SFMBT2: variants seen among roughly 807,000 people sequenced by gnomAD.
The protein encoded by SFMBT2 is scm-like with four MBT domains protein 2.
In SFMBT2, 38 loss-of-function variants were observed where a neutral mutation model predicts 110.1. That is an observed-to-expected ratio of 0.35 (90% CI 0.27 to 0.45). SFMBT2 has a LOEUF of 0.45. Ranked by LOEUF, SFMBT2 falls within the 20% of genes least tolerant of loss-of-function variation. The pLI is 1.00. For synonymous variants in SFMBT2, 425 were observed against 425.4 expected (o/e 1.00, Z 0.01); for missense variants, 1,011 against 1,094.9 (o/e 0.92, Z 1.08).
At chr10:7,265,756 C>T (rs567703869) in intron 7 of SFMBT2, among the ~76,000 whole-genome samples, 36 of 152,290 alleles carry the variant, frequency 2.4e-4, no homozygotes, top group Admixed American at 6.5e-4. Flanking sequence ...GTGATGACCT[C>T]TCCTATGTTT....
chr10:7,239,343 C>T (rs1258410132), intron 9 of SFMBT2, among the ~76,000 whole-genome samples: 3 of 152,150 alleles, frequency 2.0e-5, no homozygotes, highest in African/African-American at 7.2e-5. Context: ...TACGTGTCAA[C>T]CTAAGAATTT....
chr10:7,289,159 C>T (rs560050461), intron 4 of SFMBT2, among the ~76,000 whole-genome samples: 2 of 152,232 alleles, frequency 1.3e-5, no homozygotes, highest in South Asian at 2.1e-4. Context: ...AAATGACTCA[C>T]ATAAGTTTCA....
At chr10:7,266,824 A>G (rs1030885572) in intron 7 of SFMBT2, among the ~76,000 whole-genome samples, 3 of 152,124 alleles carry the variant, frequency 2.0e-5, no homozygotes, top group African/African-American at 7.2e-5. Flanking sequence ...TTGAAGGGAG[A>G]GCCAACAAAA....
chr10:7,205,012 G>T, intron 12 of SFMBT2: 2 of 732,878 alleles, frequency 2.7e-6, no homozygotes, highest in Non-Finnish European at 3.3e-6. Context: ...GGGACGTGTG[G>T]TAATATACTT....
At chr10:7,264,954 A>C (rs1398211578) in intron 7 of SFMBT2, among the ~76,000 whole-genome samples, 1 of 151,966 alleles carries the variant, frequency 6.6e-6, no homozygotes, top group Non-Finnish European at 1.5e-5. Flanking sequence ...AAAAAAAAAA[A>C]AACTTACATA....
At chr10:7,302,197 G>C (rs1327631953) in intron 4 of SFMBT2, among the ~76,000 whole-genome samples, 1 of 151,712 alleles carries the variant, frequency 6.6e-6, no homozygotes, top group African/African-American at 2.4e-5. Flanking sequence ...CTCCTTTTTT[G>C]CCAAAGTCCC....
At chr10:7,313,725 C>T (rs1004112953) in intron 4 of SFMBT2, among the ~76,000 whole-genome samples, 1 of 152,118 alleles carries the variant, frequency 6.6e-6, no homozygotes, top group Non-Finnish European at 1.5e-5. Context: ...CTTGAGTGAT[C>T]CTCTCGCCTT....
At chr10:7,210,000 A>G (rs1356954859) in intron 11 of SFMBT2, among the ~76,000 whole-genome samples, 1 of 152,240 alleles carries the variant, frequency 6.6e-6, no homozygotes. Flanking sequence ...AAAACTAAAC[A>G]GCAATCAACA....
chr10:7,311,831 G>C (rs548371282), intron 4 of SFMBT2, among the ~76,000 whole-genome samples: 6 of 152,316 alleles, frequency 3.9e-5, no homozygotes, highest in African/African-American at 1.4e-4. Context: ...GAGTTAGTGG[G>C]CAGTTGAAGA....
intron 12 of SFMBT2, chr10:7,204,251 A>G (rs962954209): frequency 1.4e-6 from 1 of 720,318 alleles, no homozygotes; most frequent in African/African-American, 1.9e-5. Context: ...GCTCTTAATA[A>G]TGCTAACTAG....
At chr10:7,167,073 C>A (rs891351626) in intron 20 of SFMBT2, among the ~76,000 whole-genome samples, 3 of 152,058 alleles carry the variant, frequency 2.0e-5, no homozygotes, top group Non-Finnish European at 4.4e-5. Context: ...AAAATTAAAT[C>A]GATTTTGATA....
intron 7 of SFMBT2, among the ~76,000 whole-genome samples, chr10:7,271,115 G>C (rs1368388950): frequency 6.6e-6 from 1 of 151,640 alleles, no homozygotes; most frequent in African/African-American, 2.4e-5. Context: ...TGAAACCCCA[G>C]CTCTACTAAA....
At chr10:7,328,892 C>T (rs1843475467) in intron 4 of SFMBT2, among the ~76,000 whole-genome samples, 1 of 152,196 alleles carries the variant, frequency 6.6e-6, no homozygotes. Flanking sequence ...TTCTACTATA[C>T]AGGAGCAGAA....
At chr10:7,270,444 A>G (rs1282313158) in intron 7 of SFMBT2, among the ~76,000 whole-genome samples, 1 of 152,226 alleles carries the variant, frequency 6.6e-6, no homozygotes, top group African/African-American at 2.4e-5. Context: ...ACACCCTCCA[A>G]ATTAAACGTG....
intron 11 of SFMBT2, among the ~76,000 whole-genome samples, chr10:7,216,658 C>T (rs1313573130): frequency 2.6e-5 from 4 of 152,156 alleles, no homozygotes; most frequent in Non-Finnish European, 5.9e-5. Flanking sequence ...AAAGTCTCCT[C>T]GTTTAAGCAA....
intron 5 of SFMBT2, chr10:7,284,482 C>G: frequency 9.8e-7 from 1 of 1,023,344 alleles, no homozygotes. Context: ...AAGAAGAGTT[C>G]TACCCAAATT....
chr10:7,243,721 T>C lies in SFMBT2; in HGVS notation c.973-16A>G, dbSNP rs755823134. ...TGTTAAAAACCTAAAAGAAAAAAAA[T>C]GGGGGAGCCAAAGGTTAATTCTTTA... On this transcript the variant is annotated splice_polypyrimidine_tract_variant and intron_variant, in intron 8 of 20. Transcript: ENST00000397167. The C allele has an allele frequency of 4.6e-6, 4 of 866,600 alleles. No individual in the cohort carries two copies. The highest frequency in any genetic ancestry group is 6.0e-6 in the Non-Finnish European group (3 of 499,912). 53.7% of individuals were successfully genotyped at this position (866,600 alleles called of 1,614,324 possible). A position where few individuals can be genotyped will look rare whatever the true frequency, so the allele number is the denominator to read the frequency against.
chr10:7,217,325 G>T (rs1839574141), intron 11 of SFMBT2, among the ~76,000 whole-genome samples: 1 of 152,112 alleles, frequency 6.6e-6, no homozygotes, highest in Non-Finnish European at 1.5e-5. Context: ...TGGTAAATTT[G>T]ATGTTACATA....
At chr10:7,373,590 C>T (rs1845118160) in intron 2 of SFMBT2, among the ~76,000 whole-genome samples, 2 of 152,170 alleles carry the variant, frequency 1.3e-5, no homozygotes, top group Admixed American at 6.5e-5. Flanking sequence ...TTATGAAGTA[C>T]TTTCCCCCTC....
Sources: gnomAD v4.1 joint callset for allele counts (sites outside exome capture counted in the v4.1 genomes callset) on GRCh38, gnomAD v4.1.1 for gene constraint, MANE v1.5 for transcripts, NCBI Gene and HGNC (gene_info 2026-07-23, HGNC 2026-07-21) for gene names.